Variants in MAGI2 observed in about 807,000 individuals in gnomAD.
The protein encoded by MAGI2 is membrane associated guanylate kinase, WW and PDZ domain containing 2.
MAGI2 carries 35 observed loss-of-function variants against 133.3 expected under a neutral mutation model. The observed-to-expected ratio is 0.26, with a 90% CI of 0.20 to 0.35. The LOEUF (loss-of-function observed/expected upper bound fraction) is 0.35. Ranked by LOEUF, MAGI2 falls within the 10% of genes least tolerant of loss-of-function variation. MAGI2 has a pLI of 1.00. For synonymous variants in MAGI2, 729 were observed against 710.6 expected, an observed-to-expected ratio of 1.03 and a Z score of -0.41; for missense variants, 1,636 against 1,863.4, an observed-to-expected ratio of 0.88 and a Z score of 2.25.
chr7:78,444,081 T>C (rs1001110519), intron 6 of MAGI2, among the ~76,000 whole-genome samples: 10 of 152,054 alleles, frequency 6.6e-5, no homozygotes, highest in African/African-American at 2.4e-4. Context: ...GCAGCTCCTA[T>C]CTACCTGGTG....
intron 1 of MAGI2, among the ~76,000 whole-genome samples, chr7:79,348,963 G>C (rs1318388083): frequency 6.6e-6 from 1 of 151,826 alleles, no homozygotes; most frequent in Non-Finnish European, 1.5e-5. Flanking sequence ...CATTACTTTT[G>C]ACAAATATTC....
intron 5 of MAGI2, among the ~76,000 whole-genome samples, chr7:78,498,733 T>C (rs925134556): frequency 6.6e-6 from 1 of 152,002 alleles, no homozygotes; most frequent in Non-Finnish European, 1.5e-5. Flanking sequence ...GAAAGACAGA[T>C]GAATCACAAA....
intron 1 of MAGI2, among the ~76,000 whole-genome samples, chr7:79,434,007 G>A (rs1460374616): frequency 6.6e-6 from 1 of 151,746 alleles, no homozygotes; most frequent in African/African-American, 2.4e-5. Context: ...ACTAATTTAC[G>A]ATGAACTGCT....
chr7:79,084,108 T>G (rs765753646), intron 1 of MAGI2, among the ~76,000 whole-genome samples: 6 of 151,700 alleles, frequency 4.0e-5, no homozygotes, highest in African/African-American at 1.4e-4. Flanking sequence ...AATCAATTTT[T>G]TGGTGTACTT....
At chr7:79,034,356 C>T (rs762008125) in intron 1 of MAGI2, among the ~76,000 whole-genome samples, 1 of 152,006 alleles carries the variant, frequency 6.6e-6, no homozygotes, top group Non-Finnish European at 1.5e-5. Flanking sequence ...AGTGCAATAC[C>T]CTACTGGTAT....
chr7:78,709,248 C>G (rs73701679), intron 2 of MAGI2, among the ~76,000 whole-genome samples: 14,768 of 151,128 alleles, frequency 0.098, 973 homozygotes, highest in East Asian at 0.2. Context: ...AACAATACCC[C>G]AGGCCTCCCT....
intron 2 of MAGI2, among the ~76,000 whole-genome samples, chr7:78,667,293 T>A (rs1378565201): frequency 3.3e-5 from 5 of 151,790 alleles, no homozygotes; most frequent in Non-Finnish European, 7.4e-5. Context: ...TCCATCTGTA[T>A]GATTTCATTT....
chr7:78,307,765 G>C (rs1562795537), intron 9 of MAGI2, among the ~76,000 whole-genome samples: 1 of 152,068 alleles, frequency 6.6e-6, no homozygotes, highest in Non-Finnish European at 1.5e-5. Context: ...GAGTATGTGG[G>C]AATTAATTGT....
At chr7:78,597,243 G>A (rs1804702795) in intron 3 of MAGI2, among the ~76,000 whole-genome samples, 1 of 151,906 alleles carries the variant, frequency 6.6e-6, no homozygotes, top group African/African-American at 2.4e-5. Context: ...AGTTATTTCT[G>A]AGCATATTCC....
chr7:78,298,309 C>T (rs1226432645), intron 9 of MAGI2, among the ~76,000 whole-genome samples: 1 of 151,980 alleles, frequency 6.6e-6, no homozygotes, highest in Non-Finnish European at 1.5e-5. Context: ...TGGATGGGAC[C>T]CTGGGACAGA....
At chr7:79,020,425 A>C (rs1487733377) in intron 1 of MAGI2, among the ~76,000 whole-genome samples, 1 of 152,122 alleles carries the variant, frequency 6.6e-6, no homozygotes, top group African/African-American at 2.4e-5. Flanking sequence ...CAATAGAAAC[A>C]CCCATTTTCT....
chr7:78,633,578 C>T (rs964360859), intron 2 of MAGI2, among the ~76,000 whole-genome samples: 6 of 151,858 alleles, frequency 4.0e-5, no homozygotes, highest in East Asian at 2.0e-4. Context: ...TGGTGGCGGG[C>T]GCCTGTAGTC....
rs751715821 is a variant in MAGI2 at position 78,125,847 on chromosome 7, TG to T, written c.3424-11del. 14 of 1,613,444 alleles carry T rather than the reference TG, an allele frequency of 8.7e-6. No homozygotes were observed. Among genetic ancestry groups the T allele is most frequent in the Non-Finnish European group, 1.7e-6 (2 of 1,179,676 alleles). On this transcript the variant is annotated splice_polypyrimidine_tract_variant and intron_variant, in intron 19 of 21. Transcript: ENST00000354212. ...TGAAATAATCAAAATCCTTTGGGGTTGGGGAGAAAATGGAATAAATAATTAT... is the reference window on the plus strand; with the variant it reads ...TGAAATAATCAAAATCCTTTGGGGTTGGGAGAAAATGGAATAAATAATTAT...
chr7:78,938,688 G>A (rs1346578007), intron 2 of MAGI2, among the ~76,000 whole-genome samples: 1 of 152,076 alleles, frequency 6.6e-6, no homozygotes, highest in African/African-American at 2.4e-5. Context: ...CTCACCGACA[G>A]CTTGTAATCT....
chr7:78,167,668 C>G lies in MAGI2; in HGVS notation c.2596+248G>C, dbSNP rs116359674. On this transcript the variant is annotated intron_variant, in intron 15 of 21. Coordinates refer to ENST00000354212, the MANE Select transcript of MAGI2 (RefSeq NM_012301.4). ...AGAGAGCATACATACCTTAAATTAG[C>G]CCCAGGCTATTCTAGAAATTTTTAA... 6.8e-3 allele frequency among the ~76,000 whole-genome samples: 1,029 copies of G among 152,228 alleles called. 17 individuals are homozygous for G. Among genetic ancestry groups the G allele is most frequent in the African/African-American group, 0.017 (686 of 41,540 alleles).
intron 1 of MAGI2, among the ~76,000 whole-genome samples, chr7:79,022,960 G>T (rs1043917452): frequency 6.6e-6 from 1 of 151,728 alleles, no homozygotes; most frequent in African/African-American, 2.4e-5. Context: ...AAATTGAGGA[G>T]AAAAGATTCC....
intron 1 of MAGI2, among the ~76,000 whole-genome samples, chr7:79,426,724 C>T (rs1011069828): frequency 2.1e-4 from 32 of 152,088 alleles, no homozygotes; most frequent in African/African-American, 7.7e-4. Context: ...GAAGCCAGTT[C>T]CCCTTAAAAT....
intron 10 of MAGI2, among the ~76,000 whole-genome samples, chr7:78,222,186 T>G (rs1401769362): frequency 1.3e-5 from 2 of 152,180 alleles, no homozygotes; most frequent in Non-Finnish European, 2.9e-5. Flanking sequence ...GTGCCTGAAA[T>G]ATGCCCCATT....
chr7:78,706,149 C>G (rs111452288), intron 2 of MAGI2, among the ~76,000 whole-genome samples: 14 of 126,894 alleles, frequency 1.1e-4, no homozygotes, highest in African/African-American at 3.4e-4. Flanking sequence ...TGGCTGTGTC[C>G]CCCCCCAAAT....
Sources: gnomAD v4.1 joint callset for allele counts (sites outside exome capture counted in the v4.1 genomes callset) on GRCh38, gnomAD v4.1.1 for gene constraint, MANE v1.5 for transcripts, NCBI Gene and HGNC (gene_info 2026-07-23, HGNC 2026-07-21) for gene names.